The following ACOT1 variants were observed in gnomAD, a reference collection of about 807,000 sequenced individuals.
The protein encoded by ACOT1 is acyl-CoA thioesterase 1.
ACOT1 carries 8 observed loss-of-function variants against 15.7 expected under a neutral mutation model. The ratio of observed to expected loss-of-function variants is 0.51; its 90% confidence interval spans 0.30 to 0.92. ACOT1 has a LOEUF of 0.92. Among genes scored for constraint, ACOT1 ranks in the 40% least tolerant of loss-of-function variants. ACOT1 has a pLI of 0.06. For synonymous variants in ACOT1, 67 were observed against 241.2 expected, an observed-to-expected ratio of 0.28 and a Z score of 6.69; for missense variants, 151 against 539.4, an observed-to-expected ratio of 0.28 and a Z score of 7.13.
chr14:73,536,144 T>G (rs1393623300), upstream of ACOT1, among the ~76,000 whole-genome samples: 1 of 114,800 alleles, frequency 8.7e-6, no homozygotes, highest in Non-Finnish European at 1.9e-5. Context: ...TGGAAAGAGA[T>G]AAAAAGGCTT....
At chr14:73,493,730 A>AG in the ACOT1 span, among the ~76,000 whole-genome samples, 1 of 152,020 alleles carries the variant, frequency 6.6e-6, no homozygotes, top group Non-Finnish European at 1.5e-5. Flanking sequence ...CCCAGCTACT[A>AG]GGGGGGCTGA....
At chr14:73,495,390 A>C in the ACOT1 span, 2 of 1,609,652 alleles carry the variant, frequency 1.2e-6, no homozygotes, top group East Asian at 2.2e-5. Flanking sequence ...GTTTTAATCT[A>C]AATTAGAACA....
the ACOT1 span, among the ~76,000 whole-genome samples, chr14:73,510,350 C>T: frequency 1.7e-3 from 261 of 152,096 alleles, 1 homozygote; most frequent in African/African-American, 6.0e-3. Flanking sequence ...CCATGCATGG[C>T]ACCAGAAGAA....
the ACOT1 span, chr14:73,506,617 A>T: frequency 7.1e-7 from 1 of 1,407,288 alleles, no homozygotes; most frequent in Non-Finnish European, 1.0e-6. Flanking sequence ...TCACTTTTAG[A>T]GATACTAGAA....
chr14:73,499,173 G>A, the ACOT1 span: 10 of 1,589,574 alleles, frequency 6.3e-6, no homozygotes, highest in South Asian at 7.7e-5. Context: ...GAGTGGGGAG[G>A]ACCAGAGCAA....
At chr14:73,491,960 C>T in the ACOT1 span, 3 of 1,613,932 alleles carry the variant, frequency 1.9e-6, no homozygotes, top group Non-Finnish European at 2.5e-6. Flanking sequence ...TTTGGCTGTG[C>T]TTCAAGAGCA....
At chr14:73,491,431 G>T in the ACOT1 span, 3 of 1,349,478 alleles carry the variant, frequency 2.2e-6, no homozygotes, top group Non-Finnish European at 2.8e-6. Context: ...TGCCCGCCGC[G>T]CCGGTCCGGG....
At chr14:73,492,975 G>A in the ACOT1 span, 2 of 1,595,686 alleles carry the variant, frequency 1.3e-6, no homozygotes, top group African/African-American at 2.7e-5. The surrounding 1 kb of genome is among the most constrained non-coding windows in gnomAD (Gnocchi z 4.9). Context: ...CAAGGCAGTA[G>A]TGATTCTCCG....
the ACOT1 span, among the ~76,000 whole-genome samples, chr14:73,511,333 T>G: frequency 2.0e-5 from 3 of 149,062 alleles, no homozygotes; most frequent in South Asian, 4.3e-4. Context: ...GCCAACATGG[T>G]GAAACCCCAT....
chr14:73,532,339 C>T (rs1196325132), upstream of ACOT1, among the ~76,000 whole-genome samples: 10 of 116,482 alleles, frequency 8.6e-5, 3 homozygotes, highest in Non-Finnish European at 1.7e-4. Context: ...CAAGGAGACT[C>T]TTCAATCTTG....
At chr14:73,513,494 G>C in the ACOT1 span, among the ~76,000 whole-genome samples, 4 of 151,498 alleles carry the variant, frequency 2.6e-5, no homozygotes, top group African/African-American at 9.7e-5. Context: ...CGGTGGCCAA[G>C]GCGGGCAGAT....
chr14:73,499,601 C>T, the ACOT1 span, among the ~76,000 whole-genome samples: 13 of 152,228 alleles, frequency 8.5e-5, no homozygotes, highest in Admixed American at 6.5e-4. Context: ...GAGCTGGAGC[C>T]TAAAGTACCA....
At chr14:73,540,668 G>C (rs1181775757) in intron 1 of ACOT1, among the ~76,000 whole-genome samples, 1 of 120,640 alleles carries the variant, frequency 8.3e-6, no homozygotes, top group Admixed American at 9.0e-5. Context: ...ACAGGGGTCT[G>C]TGGGACGTTG....
the ACOT1 span, chr14:73,514,164 C>T: frequency 4.3e-6 from 7 of 1,614,106 alleles, no homozygotes; most frequent in Admixed American, 1.0e-4. Flanking sequence ...TCTCACCCAC[C>T]TGCAGCAGCA....
the ACOT1 span, chr14:73,520,452 G>T: frequency 6.2e-6 from 1 of 161,732 alleles, no homozygotes; most frequent in African/African-American, 2.4e-5. Context: ...AAACCCAAAT[G>T]TGCCTGACTC....
chr14:73,513,500 C>T, the ACOT1 span, among the ~76,000 whole-genome samples: 1 of 150,186 alleles, frequency 6.7e-6, no homozygotes, highest in East Asian at 2.0e-4. Context: ...CCAAGGCGGG[C>T]AGATCACCTG....
At chr14:73,509,413 T>A in the ACOT1 span, 1 of 1,614,076 alleles carries the variant, frequency 6.2e-7, no homozygotes, top group Middle Eastern at 1.7e-4. Context: ...GGCATTCTTG[T>A]CACAAAGAGC....
At chr14:73,510,866 C>T in the ACOT1 span, among the ~76,000 whole-genome samples, 2 of 152,340 alleles carry the variant, frequency 1.3e-5, no homozygotes, top group South Asian at 4.1e-4. Flanking sequence ...ACTCCATAGA[C>T]ACAATTCTAG....
the ACOT1 span, chr14:73,498,353 A>G: frequency 6.3e-7 from 1 of 1,578,072 alleles, no homozygotes; most frequent in South Asian, 1.1e-5. Context: ...AGCTGCAGAG[A>G]TTAGAGGGCA....
Sources: allele counts gnomAD v4.1 joint callset (sites outside exome capture counted in the v4.1 genomes callset), GRCh38; gene constraint gnomAD v4.1.1; non-coding constraint Gnocchi (gnomAD v3.1); transcripts MANE v1.5; gene names NCBI Gene and HGNC (gene_info 2026-07-23, HGNC 2026-07-21).